Variants in PTPRD observed in about 807,000 individuals in gnomAD.
The protein encoded by PTPRD is protein tyrosine phosphatase receptor type D.
In PTPRD, 34 loss-of-function variants were observed where a neutral mutation model predicts 214.5. The observed-to-expected ratio is 0.16, with a 90% CI of 0.12 to 0.21. The LOEUF (loss-of-function observed/expected upper bound fraction) is 0.21. Among genes scored for constraint, PTPRD ranks in the 10% least tolerant of loss-of-function variants. PTPRD has a pLI of 1.00. For synonymous variants in PTPRD, 1,128 were observed against 845.7 expected, an observed-to-expected ratio of 1.33 and a Z score of -5.79; for missense variants, 2,545 against 2,398.7, an observed-to-expected ratio of 1.06 and a Z score of -1.27.
chr9:8,530,279 A>T (rs1442634002), intron 14 of PTPRD, among the ~76,000 whole-genome samples: 3 of 151,972 alleles, frequency 2.0e-5, no homozygotes. Context: ...CTTTTCAATC[A>T]GGTCTCATTT....
At chr9:10,594,759 G>A (rs115423217) in intron 2 of PTPRD, among the ~76,000 whole-genome samples, 1,769 of 152,058 alleles carry the variant, frequency 0.012, 30 homozygotes, top group African/African-American at 0.039. Context: ...AAATCTACTG[G>A]TTCAAAGGTG....
chr9:10,376,212 T>A (rs2097724908), intron 2 of PTPRD, among the ~76,000 whole-genome samples: 1 of 151,918 alleles, frequency 6.6e-6, no homozygotes. Context: ...TCATTTCTTA[T>A]CAGGTATTAT....
intron 11 of PTPRD, among the ~76,000 whole-genome samples, chr9:8,990,178 A>T (rs1041640733): frequency 6.6e-6 from 1 of 152,144 alleles, no homozygotes; most frequent in Non-Finnish European, 1.5e-5. Flanking sequence ...TACATGGAAA[A>T]TCTGTGTCCA....
intron 14 of PTPRD, among the ~76,000 whole-genome samples, chr9:8,586,102 C>A (rs139409698): frequency 6.6e-6 from 1 of 152,152 alleles, no homozygotes; most frequent in African/African-American, 2.4e-5. Context: ...GAGATAGAGA[C>A]CAGCCTGGCC....
intron 11 of PTPRD, among the ~76,000 whole-genome samples, chr9:8,839,300 T>TTTCA (rs2097507862): frequency 6.7e-6 from 1 of 150,326 alleles, no homozygotes; most frequent in Non-Finnish European, 1.5e-5. Flanking sequence ...ACCAAGGGGA[T>TTTCA]TTTATTTATT....
chr9:10,363,523 C>T (rs1308579337), intron 2 of PTPRD, among the ~76,000 whole-genome samples: 1 of 152,198 alleles, frequency 6.6e-6, no homozygotes, highest in South Asian at 2.1e-4. Context: ...CACTTGGGGA[C>T]ATGGTGCAAT....
intron 3 of PTPRD, among the ~76,000 whole-genome samples, chr9:10,191,264 G>C (rs1593653215): frequency 2.0e-5 from 3 of 151,844 alleles, no homozygotes; most frequent in Non-Finnish European, 4.4e-5. Flanking sequence ...ATTAATATCA[G>C]TGAATCAATT....
chr9:10,472,912 C>T (rs2099040357), intron 2 of PTPRD, among the ~76,000 whole-genome samples: 1 of 151,768 alleles, frequency 6.6e-6, no homozygotes, highest in Non-Finnish European at 1.5e-5. Flanking sequence ...TATTTAAAAA[C>T]AATTAAAAGT....
intron 5 of PTPRD, among the ~76,000 whole-genome samples, chr9:9,770,822 T>C: frequency 6.6e-6 from 1 of 152,222 alleles, no homozygotes; most frequent in East Asian, 1.9e-4. Flanking sequence ...AGTATATTGA[T>C]GAAATGAGAA....
At chr9:10,506,815 T>G (rs2046143882) in intron 2 of PTPRD, among the ~76,000 whole-genome samples, 1 of 152,102 alleles carries the variant, frequency 6.6e-6, no homozygotes, top group Non-Finnish European at 1.5e-5. Context: ...AATTTGGGTT[T>G]GCGTGATATT....
chr9:8,546,700 A>G (rs1681435253), intron 14 of PTPRD, among the ~76,000 whole-genome samples: 3 of 152,086 alleles, frequency 2.0e-5, no homozygotes. Flanking sequence ...GGGTTTCACC[A>G]CGTTGGCCAG....
At chr9:8,912,393 C>T (rs990401040) in intron 11 of PTPRD, among the ~76,000 whole-genome samples, 25 of 152,040 alleles carry the variant, frequency 1.6e-4, no homozygotes, top group African/African-American at 5.6e-4. Flanking sequence ...TGAAAGAAGT[C>T]AGACACAAAC....
intron 2 of PTPRD, among the ~76,000 whole-genome samples, chr9:10,508,467 AATC>A (rs1291357482): frequency 2.0e-5 from 3 of 152,176 alleles, no homozygotes; most frequent in African/African-American, 7.2e-5. Context: ...AAGGATTATA[AATC>A]ATGCTGCTAT....
intron 9 of PTPRD, among the ~76,000 whole-genome samples, chr9:9,236,454 C>T (rs2099966794): frequency 6.6e-6 from 1 of 151,784 alleles, no homozygotes; most frequent in Admixed American, 6.6e-5. Flanking sequence ...TTCAAATCCA[C>T]CCATAAATTC....
intron 10 of PTPRD, among the ~76,000 whole-genome samples, chr9:9,150,008 T>A (rs1396961424): frequency 6.6e-6 from 1 of 152,204 alleles, no homozygotes; most frequent in Admixed American, 6.5e-5. Flanking sequence ...CAAGTGACAA[T>A]ATCTTGCTTT....
At chr9:9,982,756 A>G (rs2095587983) in intron 4 of PTPRD, among the ~76,000 whole-genome samples, 1 of 152,172 alleles carries the variant, frequency 6.6e-6, no homozygotes, top group South Asian at 2.1e-4. Flanking sequence ...AAATTAAAAA[A>G]ATAAAATAAA....
At chr9:10,314,034 G>T (rs1364034102) in intron 3 of PTPRD, among the ~76,000 whole-genome samples, 1 of 151,966 alleles carries the variant, frequency 6.6e-6, no homozygotes, top group African/African-American at 2.4e-5. Flanking sequence ...AGTGGTAACA[G>T]AAGCTTATAA....
intron 14 of PTPRD, among the ~76,000 whole-genome samples, chr9:8,548,970 T>A (rs2081174854): frequency 6.6e-6 from 1 of 151,962 alleles, no homozygotes; most frequent in African/African-American, 2.4e-5. Context: ...GGATTACAGA[T>A]GTGAGCCACC....
intron 22 of PTPRD, among the ~76,000 whole-genome samples, chr9:8,505,719 C>G (rs1341936393): frequency 2.0e-5 from 3 of 147,854 alleles, no homozygotes; most frequent in South Asian, 2.2e-4. Flanking sequence ...CTTACAAATA[C>G]AAAAGTTTTC....
Sources: gnomAD v4.1 joint callset for allele counts (sites outside exome capture counted in the v4.1 genomes callset) on GRCh38, gnomAD v4.1.1 for gene constraint, MANE v1.5 for transcripts, NCBI Gene and HGNC (gene_info 2026-07-23, HGNC 2026-07-21) for gene names.